NBAS: variants seen among roughly 807,000 people sequenced by gnomAD.
NBAS encodes the protein NBAS subunit of NRZ tethering complex.
In NBAS, 219 loss-of-function variants were observed where a neutral mutation model predicts 302.5. The observed-to-expected ratio is 0.72, with a 90% CI of 0.65 to 0.81. The LOEUF (loss-of-function observed/expected upper bound fraction) is 0.81. Among genes scored for constraint, NBAS ranks in the 30% least tolerant of loss-of-function variants. The pLI is 0.00. For synonymous variants in NBAS, 1,118 were observed against 1,021.6 expected (o/e 1.09, Z -1.80); for missense variants, 2,932 against 2,841.6 (o/e 1.03, Z -0.72).
chr2:15,473,385 C>T, intron 15 of NBAS, 38 bp from the exon 16 acceptor site: 1 of 1,610,062 alleles, frequency 6.2e-7, no homozygotes, highest in Non-Finnish European at 8.5e-7. Flanking sequence ...TGTTACATGA[C>T]TGAATTATCC....
At chr2:15,335,386 T>C (rs1672536327) in intron 35 of NBAS, among the ~76,000 whole-genome samples, 1 of 152,192 alleles carries the variant, frequency 6.6e-6, no homozygotes, top group Admixed American at 6.5e-5. Flanking sequence ...GCATAGAATA[T>C]ACATATGTCC....
intron 38 of NBAS, among the ~76,000 whole-genome samples, chr2:15,325,880 T>G (rs1672041207): frequency 6.6e-6 from 1 of 152,178 alleles, no homozygotes; most frequent in Admixed American, 6.5e-5. Flanking sequence ...AGCTTTTCCT[T>G]TAGAGATATG....
the NBAS span, among the ~76,000 whole-genome samples, chr2:14,989,634 G>C: frequency 6.6e-6 from 1 of 152,072 alleles, no homozygotes; most frequent in Non-Finnish European, 1.5e-5. Flanking sequence ...AGAATGAATG[G>C]CATAAATTTT....
the NBAS span, among the ~76,000 whole-genome samples, chr2:14,808,872 C>T: frequency 1.3e-5 from 2 of 152,140 alleles, no homozygotes; most frequent in African/African-American, 2.4e-5. Flanking sequence ...CAATGAAATC[C>T]AGGCTGAGGT....
chr2:15,209,860 A>G (rs1333861603), intron 48 of NBAS, among the ~76,000 whole-genome samples: 1 of 152,190 alleles, frequency 6.6e-6, no homozygotes, highest in African/African-American at 2.4e-5. Context: ...GGTGCCAAGA[A>G]CAAACATTGG....
chr2:15,531,614 A>G (rs1663218807), intron 9 of NBAS, among the ~76,000 whole-genome samples: 1 of 152,346 alleles, frequency 6.6e-6, no homozygotes, highest in African/African-American at 2.4e-5. Flanking sequence ...GAGGCCCTGC[A>G]TGATTCAGCA....
chr2:15,559,912 A>G (rs990989439), intron 1 of NBAS, among the ~76,000 whole-genome samples: 2 of 152,238 alleles, frequency 1.3e-5, no homozygotes, highest in African/African-American at 4.8e-5. Context: ...TGCATAACCC[A>G]AAAAATATTC....
intron 24 of NBAS, among the ~76,000 whole-genome samples, chr2:15,416,383 T>G (rs907204497): frequency 2.0e-5 from 3 of 152,108 alleles, no homozygotes; most frequent in African/African-American, 7.2e-5. Flanking sequence ...CTCTTAATTA[T>G]CCCCCAAAAG....
the NBAS span, among the ~76,000 whole-genome samples, chr2:14,933,618 C>G: frequency 6.6e-6 from 1 of 152,086 alleles, no homozygotes; most frequent in Non-Finnish European, 1.5e-5. Flanking sequence ...CATGAGTAAT[C>G]TTGCCTGTGT....
At chr2:15,116,968 T>G in the NBAS span, among the ~76,000 whole-genome samples, 4 of 152,174 alleles carry the variant, frequency 2.6e-5, no homozygotes, top group Non-Finnish European at 5.9e-5. Context: ...TTTCTCTCTC[T>G]CATTAATTCT....
intron 23 of NBAS, among the ~76,000 whole-genome samples, chr2:15,422,339 TG>T (rs1677252252): frequency 6.6e-6 from 1 of 152,160 alleles, no homozygotes; most frequent in Admixed American, 6.5e-5. Context: ...TATTCTATTT[TG>T]GGGGCACCAC....
intron 12 of NBAS, among the ~76,000 whole-genome samples, chr2:15,484,578 G>C (rs1209125061): frequency 6.6e-6 from 1 of 152,148 alleles, no homozygotes; most frequent in African/African-American, 2.4e-5. Flanking sequence ...GTTGTTGTGA[G>C]ACAAATGAAA....
the NBAS span, among the ~76,000 whole-genome samples, chr2:15,154,738 C>T: frequency 1.3e-5 from 2 of 152,160 alleles, no homozygotes; most frequent in Non-Finnish European, 2.9e-5. Flanking sequence ...TTACTGTCAG[C>T]CCCTCAGGGT....
rs78443277 is a variant in NBAS, at chr2:15,315,843, G to A, written c.4583-6596C>T. The stretch of plus-strand genomic sequence containing the variant: ...TAACATGAATTGTAGGGAACTGATG[G>A]GAACAGTGGAGAACATGAGTCTCCA... On this transcript the variant is annotated intron_variant, in intron 38 of 51. Coordinates refer to ENST00000281513, the MANE Select transcript of NBAS (RefSeq NM_015909.4). Among the ~76,000 whole-genome samples, 990 of 152,170 alleles carry A rather than the reference G, an allele frequency of 6.5e-3. 13 individuals carry two copies. Among genetic ancestry groups the A allele is most frequent in the Non-Finnish European group, 6.7e-3 (454 of 68,008 alleles).
At chr2:14,945,041 A>G in the NBAS span, among the ~76,000 whole-genome samples, 1 of 152,216 alleles carries the variant, frequency 6.6e-6, no homozygotes, top group Middle Eastern at 3.2e-3. Context: ...TGGAAACTCT[A>G]CTGTGTAACT....
At chr2:14,930,927 C>G in the NBAS span, among the ~76,000 whole-genome samples, 1 of 152,212 alleles carries the variant, frequency 6.6e-6, no homozygotes, top group Admixed American at 6.5e-5. Context: ...AGCTCCGCTA[C>G]TAACTGAATA....
rs1191765694 is a variant in NBAS at position 15,461,340 on chromosome 2, G to A, written c.2203-3C>T. On this transcript the variant is annotated splice_polypyrimidine_tract_variant and splice_region_variant and intron_variant, in intron 20 of 51. Coordinates refer to ENST00000281513, the MANE Select transcript of NBAS (RefSeq NM_015909.4). ...TCCAGGGCTTGTACATTACTTTCCT[G>A]TACAAAAGGCAAGGGGTAAGTTTCT... 3 of 1,611,068 alleles carry A rather than the reference G, an allele frequency of 1.9e-6. No individual in the cohort carries two copies. Among genetic ancestry groups the A allele is most frequent in the Non-Finnish European group, 2.5e-6 (3 of 1,177,394 alleles).
the NBAS span, among the ~76,000 whole-genome samples, chr2:14,783,770 G>A: frequency 6.6e-6 from 1 of 151,928 alleles, no homozygotes; most frequent in African/African-American, 2.4e-5. Context: ...GAATAGTGCG[G>A]CAATAAACAT....
chr2:15,219,027 C>A (rs532575025), intron 47 of NBAS, 59 bp from the exon 48 acceptor site: 147 of 1,588,070 alleles, frequency 9.3e-5, no homozygotes, highest in Non-Finnish European at 1.2e-4. Flanking sequence ...TTCCCCCTTC[C>A]GGTAATCAAA....
Sources: gnomAD v4.1 joint callset for allele counts (sites outside exome capture counted in the v4.1 genomes callset) on GRCh38, gnomAD v4.1.1 for gene constraint, MANE v1.5 for transcripts, NCBI Gene and HGNC (gene_info 2026-07-23, HGNC 2026-07-21) for gene names.